Variants in BICD1 observed in about 807,000 individuals in gnomAD.
The protein encoded by BICD1 is BICD cargo adaptor 1.
Under a neutral mutation model 92.5 loss-of-function variants are expected in BICD1, and 35 were observed. That is an observed-to-expected ratio of 0.38 (90% CI 0.29 to 0.50). The LOEUF (loss-of-function observed/expected upper bound fraction) is 0.50. Among genes scored for constraint, BICD1 ranks in the 20% least tolerant of loss-of-function variants. BICD1 has a pLI of 0.93. For missense variants in BICD1, 950 were observed against 1,189.8 expected, an observed-to-expected ratio of 0.80 and a Z score of 2.97; for synonymous variants, 429 against 465.1, an observed-to-expected ratio of 0.92 and a Z score of 1.00.
intron 1 of BICD1, among the ~76,000 whole-genome samples, chr12:32,119,429 C>T (rs1942062987): frequency 6.6e-6 from 1 of 152,152 alleles, no homozygotes; most frequent in South Asian, 2.1e-4. Context: ...GGACCCCACT[C>T]CGGGAGAGTT....
At position 32,282,257 on chromosome 12, in the gene BICD1, G is replaced by T. The variant is rs533928837; in HGVS notation, c.427-11737G>T. Among the ~76,000 whole-genome samples, 12 of 129,226 alleles carry T rather than the reference G, an allele frequency of 9.3e-5. No individual in the cohort carries two copies. In the East Asian group the frequency reaches 2.2e-3, roughly 24 times the overall value. 84.8% of individuals were successfully genotyped at this position (129,226 alleles called of 152,430 possible). ...TTTTTTTGACACAGGGTCTCACTCT[G>T]TTGCCCAGGCTGGAGTGCAGTGACA... On this transcript the variant is annotated intron_variant, in intron 2 of 9. Transcript: ENST00000652176.
intron 3 of BICD1, among the ~76,000 whole-genome samples, chr12:32,303,601 T>C (rs1454050398): frequency 2.6e-5 from 4 of 152,184 alleles, no homozygotes; most frequent in African/African-American, 9.7e-5. Context: ...AGGGAGACAG[T>C]GTGCTCCTTA....
intron 1 of BICD1, among the ~76,000 whole-genome samples, chr12:32,201,707 T>A (rs1237520409): frequency 6.6e-6 from 1 of 152,094 alleles, no homozygotes; most frequent in African/African-American, 2.4e-5. Flanking sequence ...AATAAAAATT[T>A]ACATTTTAAT....
chr12:32,258,666 G>A (rs1592570673), intron 2 of BICD1, among the ~76,000 whole-genome samples: 1 of 152,292 alleles, frequency 6.6e-6, no homozygotes, highest in East Asian at 1.9e-4. Context: ...AGCAAGTCAC[G>A]TGATCATAGG....
At chr12:32,168,425 G>A (rs1385153491) in intron 1 of BICD1, among the ~76,000 whole-genome samples, 1 of 152,152 alleles carries the variant, frequency 6.6e-6, no homozygotes, top group Non-Finnish European at 1.5e-5. Flanking sequence ...GGCAAGGCAT[G>A]GAAGCCAACT....
chr12:32,357,745 T>G lies in BICD1; in HGVS notation c.2765-9925T>G, dbSNP rs1939173440. Reference sequence around the variant, plus strand: ...GTGCACTGCATCCCTGGTGTCTCTCTGCATGTATTAATCCTCTCTTCTTTA... The same window carrying G: ...GTGCACTGCATCCCTGGTGTCTCTCGGCATGTATTAATCCTCTCTTCTTTA... On this transcript the variant is annotated intron_variant, in intron 8 of 9. Transcript: ENST00000652176. Among the ~76,000 whole-genome samples the G allele has an allele frequency of 2.0e-5, 3 of 152,312 alleles. No individual in the cohort carries two copies. The South Asian group carries it at 6.2e-4, about 32-fold the overall frequency.
At chr12:32,289,749 A>G (rs59655920) in intron 2 of BICD1, among the ~76,000 whole-genome samples, 18,970 of 152,298 alleles carry the variant, frequency 0.12, 1,288 homozygotes, top group East Asian at 0.21. Flanking sequence ...CCACCTTTAA[A>G]CAGTATTATA....
At chr12:32,286,757 C>T (rs1277032347) in intron 2 of BICD1, among the ~76,000 whole-genome samples, 1 of 152,110 alleles carries the variant, frequency 6.6e-6, no homozygotes. Flanking sequence ...ACTTGTATAC[C>T]TGTTTTATTA....
At chr12:32,290,163 A>T (rs575026341) in intron 2 of BICD1, among the ~76,000 whole-genome samples, 1 of 124,344 alleles carries the variant, frequency 8.0e-6, no homozygotes, top group South Asian at 2.8e-4. Context: ...TTATATATAA[A>T]TGAGGTTACA....
intron 2 of BICD1, among the ~76,000 whole-genome samples, chr12:32,250,844 G>C (rs1439925215): frequency 6.6e-6 from 1 of 152,122 alleles, no homozygotes; most frequent in African/African-American, 2.4e-5. Context: ...TTAGCCAGAT[G>C]TGGTGGCATG....
At position 32,381,041 on chromosome 12, in the gene BICD1, A is replaced by G. The variant is rs943513882; in HGVS notation, c.*3414A>G. On this transcript the variant is annotated 3_prime_UTR_variant, in exon 10 of 10. Transcript: ENST00000652176. The stretch of plus-strand genomic sequence containing the variant: ...TAAGTATTAAGTGGCAAGATAGGAG[A>G]ATGCATTTCAGTTCTGGGAGCTCAT... The G allele has an allele frequency of 6.6e-6, 1 of 152,026 alleles. No individual in the cohort carries two copies. The highest frequency in any genetic ancestry group is 1.5e-5 in the Non-Finnish European group (1 of 67,964). The allele number at this position is 152,026 out of a possible 1,614,324, so 9.4% of individuals were successfully genotyped here.
At chr12:32,238,944 CAAAAAA>C (rs111403291) in intron 2 of BICD1, among the ~76,000 whole-genome samples, 2,515 of 70,548 alleles carry the variant, frequency 0.036, 96 homozygotes, top group African/African-American at 0.097. Context: ...AACTCTGTCT[CAAAAAA>C]AAAAAAAAAA....
At chr12:32,227,426 G>A (rs1298139628) in intron 2 of BICD1, 1 of 152,404 alleles carries the variant, frequency 6.6e-6, no homozygotes, top group African/African-American at 2.4e-5. Flanking sequence ...CAGAGGAGGG[G>A]GCTGTAATAG....
chr12:32,304,589 G>A (rs986512735), intron 3 of BICD1, among the ~76,000 whole-genome samples: 1 of 152,226 alleles, frequency 6.6e-6, no homozygotes, highest in Non-Finnish European at 1.5e-5. Flanking sequence ...GGTGGCATGT[G>A]ATAAGTGCCA....
At chr12:32,255,543 ATCT>A (rs1373909268) in intron 2 of BICD1, among the ~76,000 whole-genome samples, 1 of 152,250 alleles carries the variant, frequency 6.6e-6, no homozygotes, top group African/African-American at 2.4e-5. Flanking sequence ...TGGCTTAAAA[ATCT>A]TCTAATGATG....
intron 2 of BICD1, among the ~76,000 whole-genome samples, chr12:32,238,451 A>C (rs7136600): frequency 0.13 from 19,124 of 152,158 alleles, 1,979 homozygotes; most frequent in African/African-American, 0.28. Context: ...ACACTGTGAA[A>C]GTTGTCGAAA....
At chr12:32,300,981 G>T (rs535165705) in intron 3 of BICD1, among the ~76,000 whole-genome samples, 20 of 152,200 alleles carry the variant, frequency 1.3e-4, no homozygotes, top group Admixed American at 3.3e-4. Flanking sequence ...AGGCCTGAAA[G>T]AAACCATGAC....
chr12:32,377,565 C>A lies in BICD1; in HGVS notation c.2866C>A (p.Gln956Lys). The change falls in exon 10 of 10, where the codon CAG (glutamine) becomes AAG (lysine). Residue 956 changes from glutamine to lysine, a missense_variant. Physicochemically the swap from Gln to Lys is moderately conservative, Grantham distance 53. Around this residue, in one of 5 missense-constraint regions of BICD1, gnomAD observed 179 missense variants for 186.7 expected, o/e 0.96. Coordinates refer to ENST00000652176, the MANE Select transcript of BICD1 (RefSeq NM_001714.4). Reference protein sequence around the residue: ...VSPDTALPEEQPHSSSQCAPL... With the variant: ...VSPDTALPEEKPHSSSQCAPL... ...TCCTGACACAGCTCTCCCTGAGGAG[C>A]AGCCACATTCCAGCTCCCAGTGCGC... 1 of 1,614,102 alleles carries A rather than the reference C, an allele frequency of 6.2e-7. No homozygotes were observed. Among genetic ancestry groups the A allele is most frequent in the Middle Eastern group, 1.6e-4 (1 of 6,062 alleles).
intron 2 of BICD1, among the ~76,000 whole-genome samples, chr12:32,234,710 C>A (rs1172881588): frequency 1.0e-4 from 13 of 129,258 alleles, no homozygotes; most frequent in African/African-American, 3.9e-4. Context: ...GTCTCTCACT[C>A]TGTTGCCCAG....
Sources: allele counts gnomAD v4.1 joint callset (sites outside exome capture counted in the v4.1 genomes callset), GRCh38; gene constraint gnomAD v4.1.1; regional missense constraint gnomAD v4.1.1; transcripts MANE v1.5; gene names NCBI Gene and HGNC (gene_info 2026-07-23, HGNC 2026-07-21).